The following FAM110B variants were observed in gnomAD, a reference collection of about 807,000 sequenced individuals.
The protein encoded by FAM110B is family with sequence similarity 110 member B.
In FAM110B, 6 loss-of-function variants were observed where a neutral mutation model predicts 20.4. The observed-to-expected ratio is 0.29, with a 90% confidence interval of 0.16 to 0.58. FAM110B has a LOEUF of 0.58. Among genes scored for constraint, FAM110B ranks in the 20% least tolerant of loss-of-function variants. The pLI is 0.90. For synonymous variants in FAM110B, 226 were observed against 214.1 expected, an observed-to-expected ratio of 1.06 and a Z score of -0.49; for missense variants, 434 against 498.2, an observed-to-expected ratio of 0.87 and a Z score of 1.23.
intron 3 of FAM110B, among the ~76,000 whole-genome samples, chr8:58,076,545 A>C (rs933286957): frequency 2.0e-5 from 3 of 152,186 alleles, no homozygotes; most frequent in African/African-American, 7.2e-5. Flanking sequence ...GAGCCTGGGA[A>C]CATTTTTTCC....
chr8:58,029,365 A>C (rs1416495193), intron 1 of FAM110B, among the ~76,000 whole-genome samples: 2 of 152,196 alleles, frequency 1.3e-5, no homozygotes, highest in African/African-American at 4.8e-5. Flanking sequence ...TAGGTTAGAC[A>C]ACCTAAGAAT....
At chr8:58,053,206 C>T (rs941381256) in intron 2 of FAM110B, among the ~76,000 whole-genome samples, 1 of 152,138 alleles carries the variant, frequency 6.6e-6, no homozygotes, top group African/African-American at 2.4e-5. Context: ...AGAGAGTCTA[C>T]AAGAGACCAG....
Position 58,119,902 on chromosome 8 carries a change from T to G in FAM110B, c.-324-26005T>G, listed in dbSNP as rs77136743. On this transcript the variant is annotated intron_variant, in intron 3 of 3. Transcript: ENST00000519262. ...GTTATTATCATTGCTCTTTTACTAT[T>G]GAGAAAACCAAGACTCAGGTTTGAG... Among the ~76,000 whole-genome samples, 82 of 152,302 alleles carry G rather than the reference T, an allele frequency of 5.4e-4. 3 individuals are homozygous for G. In the East Asian group the frequency reaches 0.014, roughly 25 times the overall value.
At chr8:58,005,850 A>C (rs2073657470) in intron 1 of FAM110B, among the ~76,000 whole-genome samples, 1 of 152,236 alleles carries the variant, frequency 6.6e-6, no homozygotes, top group Non-Finnish European at 1.5e-5. Flanking sequence ...GATTTTGACT[A>C]GGTAAAGAAG....
At chr8:58,098,221 T>C (rs979627471) in intron 3 of FAM110B, among the ~76,000 whole-genome samples, 1 of 152,252 alleles carries the variant, frequency 6.6e-6, no homozygotes, top group African/African-American at 2.4e-5. Flanking sequence ...GCTGCTGCCT[T>C]TCTTTCAGAG....
chr8:58,036,563 C>T (rs1805076458), intron 2 of FAM110B, among the ~76,000 whole-genome samples: 1 of 152,200 alleles, frequency 6.6e-6, no homozygotes, highest in South Asian at 2.1e-4. Context: ...ATACAGCCAC[C>T]TCTCAAAATT....
At chr8:58,132,621 T>A (rs1211187306) in intron 3 of FAM110B, among the ~76,000 whole-genome samples, 1 of 152,140 alleles carries the variant, frequency 6.6e-6, no homozygotes, top group African/African-American at 2.4e-5. Flanking sequence ...TGACAGGTGC[T>A]GGGCAGGGCA....
At chr8:58,091,574 T>C (rs1806478279) in intron 3 of FAM110B, 1 of 152,114 alleles carries the variant, frequency 6.6e-6, no homozygotes, top group Non-Finnish European at 1.5e-5. Context: ...GTGGATGACC[T>C]TATCACCACC....
intron 1 of FAM110B, among the ~76,000 whole-genome samples, chr8:58,014,958 A>C (rs928633309): frequency 3.9e-5 from 6 of 152,242 alleles, no homozygotes; most frequent in African/African-American, 1.4e-4. Context: ...TGGATTTAAA[A>C]ATATTTTTAC....
intron 2 of FAM110B, among the ~76,000 whole-genome samples, chr8:58,063,107 C>CA (rs1157903093): frequency 3.4e-4 from 52 of 152,294 alleles, no homozygotes; most frequent in African/African-American, 1.2e-3. Flanking sequence ...CAAAGCTGAG[C>CA]TGCACCATGT....
chr8:58,064,173 A>G (rs1805715299), intron 2 of FAM110B, among the ~76,000 whole-genome samples: 1 of 152,018 alleles, frequency 6.6e-6, no homozygotes, highest in South Asian at 2.1e-4. Flanking sequence ...TGATCAAATC[A>G]CCTCCCATCA....
chr8:58,139,536 C>T (rs139384897), intron 3 of FAM110B, among the ~76,000 whole-genome samples: 1 of 152,326 alleles, frequency 6.6e-6, no homozygotes, highest in African/African-American at 2.4e-5. Context: ...TTCGCTCTTT[C>T]ACTTTTCTCC....
intron 2 of FAM110B, among the ~76,000 whole-genome samples, chr8:58,055,976 C>T (rs1298673579): frequency 6.6e-6 from 1 of 152,216 alleles, no homozygotes; most frequent in African/African-American, 2.4e-5. Context: ...AGATGGGATT[C>T]CACTTGATGT....
intron 2 of FAM110B, among the ~76,000 whole-genome samples, chr8:58,061,948 A>G (rs554131368): frequency 2.0e-5 from 3 of 152,322 alleles, no homozygotes; most frequent in African/African-American, 7.2e-5. Flanking sequence ...AGTGACACAG[A>G]TTTTCTTCTT....
At position 58,019,316 on chromosome 8, in the gene FAM110B, G is replaced by A. The variant is rs181997522; in HGVS notation, c.-511-12290G>A. ...TCACACCACTGCACTCCAGCCTGGC[G>A]ACAGAGTGAGACTCTGTCTCAAAAA... On this transcript the variant is annotated intron_variant, in intron 1 of 3. Transcript: ENST00000519262. 4.0e-3 allele frequency among the ~76,000 whole-genome samples: 498 copies of A among 123,568 alleles called. 2 individuals are homozygous for A. Among genetic ancestry groups the A allele is most frequent in the African/African-American group, 0.014 (448 of 31,694 alleles). 81.1% of individuals were successfully genotyped at this position (123,568 alleles called of 152,430 possible). A position where few individuals can be genotyped will look rare whatever the true frequency, so the allele number is the denominator to read the frequency against.
chr8:58,084,148 A>T (rs570948940), intron 3 of FAM110B, among the ~76,000 whole-genome samples: 1 of 152,334 alleles, frequency 6.6e-6, no homozygotes, highest in Admixed American at 6.5e-5. Context: ...AATTGTGCTT[A>T]TGACCAAGAC....
At chr8:58,056,677 T>C (rs1805552879) in intron 2 of FAM110B, among the ~76,000 whole-genome samples, 1 of 152,240 alleles carries the variant, frequency 6.6e-6, no homozygotes, top group Admixed American at 6.5e-5. Flanking sequence ...TGTGCATGCA[T>C]TTCTGTGAAA....
chr8:58,147,615 G>A lies in FAM110B; in HGVS notation c.*272G>A, dbSNP rs1803898313. ...AAGCAAAACTGTTTACATGAAAATG[G>A]TATACAACTTCTTCGATATTTATGT... On this transcript the variant is annotated 3_prime_UTR_variant, in exon 4 of 4. Coordinates refer to ENST00000519262, the MANE Select transcript of FAM110B (RefSeq NM_001377989.1). 2.3e-6 allele frequency: 1 copy of A among 440,228 alleles called. No homozygotes were observed. The highest frequency in any genetic ancestry group is 4.0e-5 in the South Asian group (1 of 25,006). 27.3% of individuals were successfully genotyped at this position (440,228 alleles called of 1,614,324 possible).
At chr8:58,119,290 G>A (rs1337382841) in intron 3 of FAM110B, among the ~76,000 whole-genome samples, 3 of 152,232 alleles carry the variant, frequency 2.0e-5, no homozygotes, top group Non-Finnish European at 4.4e-5. Flanking sequence ...AGGCTGGAAT[G>A]TCCAAGTTCA....
Sources: gnomAD v4.1 joint callset for allele counts (sites outside exome capture counted in the v4.1 genomes callset) on GRCh38, gnomAD v4.1.1 for gene constraint, MANE v1.5 for transcripts, NCBI Gene and HGNC (gene_info 2026-07-23, HGNC 2026-07-21) for gene names.